The following GLTPD2 variants were observed in gnomAD, a reference collection of about 807,000 sequenced individuals.
The protein encoded by GLTPD2 is glycolipid transfer protein domain containing 2, also known as glycolipid transfer protein domain-containing protein 2.
A neutral mutation model predicts 12.9 loss-of-function variants in GLTPD2; 12 were observed. That is an observed-to-expected ratio of 0.93 (90% CI 0.59 to 1.50). The LOEUF (loss-of-function observed/expected upper bound fraction) is 1.50. Ranked by LOEUF, GLTPD2 falls within the 40% of genes most tolerant of loss-of-function variation. The probability of loss-of-function intolerance (pLI) is 0.00; values close to 1 mark genes in which losing one functional copy is unlikely to be tolerated. For missense variants in GLTPD2, 450 were observed against 426.2 expected (o/e 1.06, Z -0.49); for synonymous variants, 199 against 205.6 (o/e 0.97, Z 0.27).
chr17:4,789,652 C>T lies in GLTPD2; in HGVS notation c.313C>T (p.Leu105=), dbSNP rs773421356. ...AGGGGATGTGGGGCTGTCGCCGTAC[C>T]TGGCGGGATGGAGGGCACTCGTCGA... ...PEGDVGLSPY[L]AGWRALVEFL... The change falls in exon 3 of 4, where the codon CTG becomes TTG. Residue 105 remains leucine (L), a synonymous_variant. Coordinates refer to ENST00000331264, the MANE Select transcript of GLTPD2 (RefSeq NM_001014985.3). The T allele has an allele frequency of 1.9e-6, 3 of 1,613,392 alleles. No individual in the cohort carries two copies. The highest frequency in any genetic ancestry group is 2.7e-5 in the African/African-American group (2 of 74,952).
Position 4,789,301 on chromosome 17 carries a change from C to A in GLTPD2, c.171+11C>A. The A allele has an allele frequency of 3.8e-6, 6 of 1,574,992 alleles. No individual in the cohort carries two copies. The highest frequency in any genetic ancestry group is 4.3e-6 in the Non-Finnish European group (5 of 1,161,002). ...ACGGCGCCCTTCCAGGTACGCTAGGCGCAGGATTGGGCGCGGGCGCTCCAG... is the reference window on the plus strand; with the variant it reads ...ACGGCGCCCTTCCAGGTACGCTAGGAGCAGGATTGGGCGCGGGCGCTCCAG... On this transcript the variant is annotated intron_variant, in intron 2 of 3. Coordinates refer to ENST00000331264, the MANE Select transcript of GLTPD2 (RefSeq NM_001014985.3).
In GLTPD2 at chr17:4,789,844, G is replaced by A. The variant is rs1030518016; in HGVS notation, c.424G>A (p.Gly142Ser). ...KVTDLEARVH[G>S]PDAEHYWSLV... ...GACAGACCTGGAGGCTCGGGTGCACGGCCCGGACGCGGAGCACTACTGGTC... is the reference window on the plus strand; with the variant it reads ...GACAGACCTGGAGGCTCGGGTGCACAGCCCGGACGCGGAGCACTACTGGTC... The change falls in exon 4 of 4, where the codon GGC becomes AGC. Residue 142 changes from glycine to serine, a missense_variant. By Grantham distance (56) the Gly-to-Ser change is moderately conservative (BLOSUM62 0). Coordinates refer to ENST00000331264, the MANE Select transcript of GLTPD2 (RefSeq NM_001014985.3). The A allele has an allele frequency of 6.2e-7, 1 of 1,606,158 alleles. No individual in the cohort carries two copies. The highest frequency in any genetic ancestry group is 1.3e-5 in the African/African-American group (1 of 74,694).
In GLTPD2 at chr17:4,789,806, C is replaced by G. The variant is rs749567051; in HGVS notation, c.386C>G (p.Ala129Gly). ...GSVFAFATRE[A>G]FTKVTDLEAR... ...GTCTTCGCCTTCGCCACTAGGGAGG[C>G]CTTCACCAAGGTGACAGACCTGGAG... is the stretch of plus-strand genomic sequence containing the variant. The change falls in exon 4 of 4, where the codon GCC becomes GGC. Residue 129 changes from alanine (A) to glycine (G), a missense_variant. Transcript: ENST00000331264. 1 of 1,612,302 alleles carries G rather than the reference C, an allele frequency of 6.2e-7. No individual in the cohort carries two copies.
In GLTPD2 at chr17:4,790,029, C is replaced by G; in HGVS notation, c.609C>G (p.Gly203=). ...TCTGCCTCCACCGGGTGGCGACCGG[C>G]GCGCTGGGAGGCCCGGACGCGGGCG... ...SQLCLHRVAT[G]ALGGPDAGVQ... is the part of the protein sequence containing the mutation. Residue 203 remains glycine, a synonymous_variant, in exon 4 of 4, where the codon GGC becomes GGG. Coordinates refer to ENST00000331264, the MANE Select transcript of GLTPD2 (RefSeq NM_001014985.3). 1 of 1,442,674 alleles carries G rather than the reference C, an allele frequency of 6.9e-7. No individual in the cohort carries two copies. The highest frequency in any genetic ancestry group is 9.0e-7 in the Non-Finnish European group (1 of 1,107,804). 89.4% of individuals were successfully genotyped at this position (1,442,674 alleles called of 1,614,324 possible). A position where few individuals can be genotyped will look rare whatever the true frequency, so the allele number is the denominator to read the frequency against.
rs893774067 is a variant in GLTPD2 at position 4,789,940 on chromosome 17, C to T, written c.520C>T (p.Pro174Ser). ...GCAGCCGGGGGCGGCCCCCCGGGAC[C>T]CGACCCGGAGCTCGGGCTCTCGCAC... is the stretch of plus-strand genomic sequence containing the variant. ...LEQPGAAPRD[P>S]TRSSGSRTLL... The change falls in exon 4 of 4, where the codon CCG (proline) becomes TCG (serine). Residue 174 changes from proline (P) to serine (S), a missense_variant. Transcript: ENST00000331264. 4.2e-5 allele frequency: 64 copies of T among 1,540,126 alleles called. No homozygotes were observed. The highest frequency in any genetic ancestry group is 5.3e-5 in the Non-Finnish European group (61 of 1,144,552).
intron 2 of GLTPD2, 106 bp from the exon 3 acceptor site, chr17:4,789,405 C>T (rs565701555): frequency 1.2e-5 from 18 of 1,511,384 alleles, no homozygotes; most frequent in African/African-American, 1.1e-4. Context: ...TACCCTCTCC[C>T]GTCGGAAGCT....
Position 4,790,384 on chromosome 17 carries a change from C to T in GLTPD2, c.*88C>T. ...GGGGTCAGTCCTGCAGCCCGCGCCG[C>T]GGCCGCCTCCGTATCCCGCCTCTTC... On this transcript the variant is annotated 3_prime_UTR_variant, in exon 4 of 4. Coordinates refer to ENST00000331264, the MANE Select transcript of GLTPD2 (RefSeq NM_001014985.3). The T allele has an allele frequency of 9.1e-7, 1 of 1,104,378 alleles. No homozygotes were observed. Among genetic ancestry groups the T allele is most frequent in the Non-Finnish European group, 1.2e-6 (1 of 853,718 alleles). The allele number at this position is 1,104,378 out of a possible 1,614,324, so 68.4% of individuals were successfully genotyped here.
chr17:4,789,485 C>T lies in GLTPD2; in HGVS notation c.172-26C>T, dbSNP rs767071562. On this transcript the variant is annotated intron_variant, in intron 2 of 3. Transcript: ENST00000331264. ...TCTTCAGGGCAGAATCTGCTCCCAC[C>T]TCTTCCCATCGTGTCTCCCCACCAG... 8 of 1,610,464 alleles carry T rather than the reference C, an allele frequency of 5.0e-6. No homozygotes were observed. The Admixed American group carries it at 1.0e-4, about 20-fold the overall frequency.
In GLTPD2 at chr17:4,790,275, C is replaced by T. The variant is rs535032543; in HGVS notation, c.855C>T (p.Arg285=). 1.4e-5 allele frequency: 20 copies of T among 1,479,142 alleles called. No homozygotes were observed. The South Asian group carries it at 2.4e-4, about 18-fold the overall frequency. 91.6% of individuals were successfully genotyped at this position (1,479,142 alleles called of 1,614,324 possible). ...YNRTQSLLAE[R]GLLQLA ...GCACCCAGAGCCTGCTGGCCGAGCG[C>T]GGCCTGCTCCAGCTGGCCTAAGACG... The change falls in exon 4 of 4, where the codon CGC becomes CGT. Residue 285 remains arginine, a synonymous_variant. Transcript: ENST00000331264.
At position 4,790,076 on chromosome 17, in the gene GLTPD2, G is replaced by C. The variant is rs1472071130; in HGVS notation, c.656G>C (p.Arg219Pro). ...DAGVQCSDAY[R>P]AALGPHHPWL... ...GGCGTGCAGTGCAGCGACGCCTACC[G>C]TGCGGCCCTGGGTCCGCATCACCCC... The change falls in exon 4 of 4, where the codon CGT becomes CCT. Residue 219 changes from arginine to proline, a missense_variant. Coordinates refer to ENST00000331264, the MANE Select transcript of GLTPD2 (RefSeq NM_001014985.3). 3.6e-6 allele frequency: 5 copies of C among 1,403,854 alleles called. No homozygotes were observed. The East Asian group carries it at 1.5e-4, about 42-fold the overall frequency. The allele number at this position is 1,403,854 out of a possible 1,614,324, so 87.0% of individuals were successfully genotyped here.
In GLTPD2 at chr17:4,789,759, G is replaced by C. The variant is rs12951761; in HGVS notation, c.339G>C (p.Glu113Asp). 6.2e-7 allele frequency: 1 copy of C among 1,612,796 alleles called. No individual in the cohort carries two copies. Among genetic ancestry groups the C allele is most frequent in the Non-Finnish European group, 8.5e-7 (1 of 1,179,292 alleles). ...PYLAGWRALVEFLTPLGSVFA... is the reference protein window; with the variant it reads ...PYLAGWRALVDFLTPLGSVFA... ...TTCTCTCAAATCGTCTCGCCCGCAGGTTCCTGACTCCCCTCGGCTCCGTCT... is the reference window on the plus strand; with the variant it reads ...TTCTCTCAAATCGTCTCGCCCGCAGCTTCCTGACTCCCCTCGGCTCCGTCT... Residue 113 changes from glutamate (E) to aspartate (D), a missense_variant and splice_region_variant, in exon 4 of 4, where the codon GAG becomes GAC. By Grantham distance (45) the Glu-to-Asp change is conservative. Transcript: ENST00000331264.
At position 4,789,288 on chromosome 17, in the gene GLTPD2, C is replaced by T. The variant is rs1322213823; in HGVS notation, c.169C>T (p.Gln57Ter). 2 of 1,586,460 alleles carry T rather than the reference C, an allele frequency of 1.3e-6. No homozygotes were observed. The highest frequency in any genetic ancestry group is 1.7e-6 in the Non-Finnish European group (2 of 1,166,238). Residue 57 changes from glutamine (Q) to a stop codon, truncating the protein, a stop_gained and splice_region_variant, in exon 2 of 4, where the codon CAG (glutamine) becomes TAG (stop). Transcript: ENST00000331264. LOFTEE classifies it high-confidence loss of function. ...CGTTCCAGGGGAAACGGCGCCCTTCCAGGTACGCTAGGCGCAGGATTGGGC... is the reference window on the plus strand; with the variant it reads ...CGTTCCAGGGGAAACGGCGCCCTTCTAGGTACGCTAGGCGCAGGATTGGGC... ...PCVPGETAPFQVRQESGTLEA... is the reference protein window; with the variant it reads ...PCVPGETAPF
chr17:4,790,407 T>G lies in GLTPD2; in HGVS notation c.*111T>G. 1.1e-6 allele frequency: 1 copy of G among 877,718 alleles called. No individual in the cohort carries two copies. The highest frequency in any genetic ancestry group is 1.5e-6 in the Non-Finnish European group (1 of 651,182). The allele number at this position is 877,718 out of a possible 1,614,324, so 54.4% of individuals were successfully genotyped here. A position where few individuals can be genotyped will look rare whatever the true frequency, so the allele number is the denominator to read the frequency against. On this transcript the variant is annotated 3_prime_UTR_variant, in exon 4 of 4. Transcript: ENST00000331264. Reference sequence around the variant, plus strand: ...CGCGGCCGCCTCCGTATCCCGCCTCTTCCGTGACGTCGCCGCGGCGAGGGC... The same window carrying G: ...CGCGGCCGCCTCCGTATCCCGCCTCGTCCGTGACGTCGCCGCGGCGAGGGC...
Position 4,789,308 on chromosome 17 carries a change from T to G in GLTPD2, c.171+18T>G, listed in dbSNP as rs749668949. On this transcript the variant is annotated intron_variant, in intron 2 of 3. Transcript: ENST00000331264. ...CCTTCCAGGTACGCTAGGCGCAGGA[T>G]TGGGCGCGGGCGCTCCAGGAGGGAC... The G allele has an allele frequency of 6.4e-7, 1 of 1,565,990 alleles. No individual in the cohort carries two copies.
Position 4,789,671 on chromosome 17 carries a change from T to C in GLTPD2, c.332T>C (p.Leu111Pro), listed in dbSNP as rs373296016. Residue 111 changes from leucine to proline, a missense_variant, in exon 3 of 4, where the codon CTC becomes CCC. Coordinates refer to ENST00000331264, the MANE Select transcript of GLTPD2 (RefSeq NM_001014985.3). ...LSPYLAGWRA[L>P]VEFLTPLGSV... ...CCGTACCTGGCGGGATGGAGGGCAC[T>C]CGTCGAGTGAGTGGCCTCCCGCCCC... is the stretch of plus-strand genomic sequence containing the variant. The C allele has an allele frequency of 6.5e-5, 104 of 1,611,858 alleles. No homozygotes were observed. Among genetic ancestry groups the C allele is most frequent in the Non-Finnish European group, 8.5e-5 (100 of 1,179,202 alleles).
rs1352394276 is a variant in GLTPD2, at chr17:4,789,659, G to T, written c.320G>T (p.Gly107Val). The change falls in exon 3 of 4, where the codon GGA becomes GTA. Residue 107 changes from glycine to valine, a missense_variant. By Grantham distance (109) the Gly-to-Val change is moderately radical. Coordinates refer to ENST00000331264, the MANE Select transcript of GLTPD2 (RefSeq NM_001014985.3). ...GDVGLSPYLA[G>V]WRALVEFLTP... Reference sequence around the variant, plus strand: ...GTGGGGCTGTCGCCGTACCTGGCGGGATGGAGGGCACTCGTCGAGTGAGTG... The same window carrying T: ...GTGGGGCTGTCGCCGTACCTGGCGGTATGGAGGGCACTCGTCGAGTGAGTG... 2 of 1,613,354 alleles carry T rather than the reference G, an allele frequency of 1.2e-6. No individual in the cohort carries two copies.
rs1567712319 is a variant in GLTPD2 at position 4,789,788 on chromosome 17, C to A, written c.368C>A (p.Ala123Asp). 6.2e-7 allele frequency: 1 copy of A among 1,612,846 alleles called. No individual in the cohort carries two copies. Among genetic ancestry groups the A allele is most frequent in the Admixed American group, 1.7e-5 (1 of 59,826 alleles). The change falls in exon 4 of 4, where the codon GCC becomes GAC. Residue 123 changes from alanine to aspartate, a missense_variant. Physicochemically the swap from Ala to Asp is moderately radical, Grantham distance 126. Transcript: ENST00000331264. ...CTGACTCCCCTCGGCTCCGTCTTCG[C>A]CTTCGCCACTAGGGAGGCCTTCACC... Reference protein sequence around the residue: ...EFLTPLGSVFAFATREAFTKV... With the variant: ...EFLTPLGSVFDFATREAFTKV...
At chr17:4,789,157 C>T (rs751646406) in intron 1 of GLTPD2, 40 bp downstream of exon 1, 2 of 1,608,940 alleles carry the variant, frequency 1.2e-6, no homozygotes, top group African/African-American at 1.3e-5. Context: ...GGAGGAAGCC[C>T]GGAATCCAGG....
Position 4,789,614 on chromosome 17 carries a change from G to C in GLTPD2, c.275G>C (p.Ser92Thr), listed in dbSNP as rs1597306189. 1 of 1,613,906 alleles carries C rather than the reference G, an allele frequency of 6.2e-7. No individual in the cohort carries two copies. The highest frequency in any genetic ancestry group is 8.5e-7 in the Non-Finnish European group (1 of 1,180,012). The change falls in exon 3 of 4, where the codon AGT becomes ACT. Residue 92 changes from serine (S) to threonine (T), a missense_variant. Physicochemically the swap from Ser to Thr is moderately conservative, Grantham distance 58. Coordinates refer to ENST00000331264, the MANE Select transcript of GLTPD2 (RefSeq NM_001014985.3). ...CGCATGATGAGGCGGTTCCACGCCA[G>C]TCTGAAACCCGAAGGGGATGTGGGG... The part of the protein sequence containing the change: ...LGRMMRRFHA[S>T]LKPEGDVGLS...
Sources: allele counts gnomAD v4.1 joint callset, GRCh38; gene constraint gnomAD v4.1.1; transcripts MANE v1.5; gene names NCBI Gene and HGNC (gene_info 2026-07-23, HGNC 2026-07-21).